SLC17A1: variants seen among roughly 807,000 people sequenced by gnomAD.
SLC17A1 encodes solute carrier family 17 member 1.
SLC17A1 carries 51 observed loss-of-function variants against 53.5 expected under a neutral mutation model. The observed-to-expected ratio is 0.95, with a 90% CI of 0.76 to 1.20. The LOEUF is 1.20. Ranked by LOEUF, SLC17A1 falls within the 50% of genes most tolerant of loss-of-function variation. The pLI, the probability that SLC17A1 is intolerant of heterozygous loss-of-function variation, is 0.00. For missense variants in SLC17A1, 538 were observed against 568.2 expected, an observed-to-expected ratio of 0.95 and a Z score of 0.54; for synonymous variants, 179 against 198.8, an observed-to-expected ratio of 0.90 and a Z score of 0.84.
the SLC17A1 span, among the ~76,000 whole-genome samples, chr6:25,757,563 G>A: frequency 8.6e-5 from 13 of 151,914 alleles, no homozygotes; most frequent in Admixed American, 3.9e-4. Flanking sequence ...CCCCCAACCC[G>A]CTGCTCCAGT....
chr6:25,779,110 G>T (rs774393197), downstream of SLC17A1: 2 of 1,613,790 alleles, frequency 1.2e-6, no homozygotes, highest in South Asian at 2.2e-5. Context: ...TTAACATATC[G>T]GGCCTGGTTT....
the SLC17A1 span, among the ~76,000 whole-genome samples, chr6:25,731,102 C>T: frequency 5.9e-5 from 9 of 152,144 alleles, no homozygotes; most frequent in Admixed American, 3.3e-4. Context: ...AATTCTTAAG[C>T]GGCTAAGCAA....
At chr6:25,789,003 A>T (rs1378031395) in intron 12 of SLC17A1, among the ~76,000 whole-genome samples, 8 of 152,204 alleles carry the variant, frequency 5.3e-5, no homozygotes, top group Admixed American at 3.9e-4. Flanking sequence ...AGGTAGATAG[A>T]TATGTATGTA....
the SLC17A1 span, among the ~76,000 whole-genome samples, chr6:25,727,636 C>T: frequency 6.6e-6 from 1 of 152,096 alleles, no homozygotes; most frequent in African/African-American, 2.4e-5. Context: ...GATCACCCAC[C>T]TCGGTCTCCC....
chr6:25,726,968 C>A, the SLC17A1 span: 4 of 1,613,854 alleles, frequency 2.5e-6, no homozygotes, highest in Non-Finnish European at 3.4e-6. Flanking sequence ...AGAAAGCTGT[C>A]GTTAAGACCC....
the SLC17A1 span, among the ~76,000 whole-genome samples, chr6:25,730,399 G>A: frequency 2.0e-5 from 3 of 152,178 alleles, no homozygotes; most frequent in South Asian, 2.1e-4. Context: ...TGAAATGAGC[G>A]AGGCACAGAA....
the SLC17A1 span, chr6:25,761,854 G>C: frequency 2.4e-6 from 2 of 846,732 alleles, no homozygotes; most frequent in Non-Finnish European, 3.6e-6. Flanking sequence ...TTTGCTCCTA[G>C]TTCTTAGAAA....
rs189485031 is a variant in SLC17A1 at position 25,786,111 on chromosome 6, C to T, written c.*3-2893G>A. 2.3e-3 allele frequency among the ~76,000 whole-genome samples: 348 copies of T among 152,300 alleles called. 1 individual carries two copies. The highest frequency in any genetic ancestry group is 0.01 in the Middle Eastern group (3 of 294). On this transcript the variant is annotated intron_variant, in intron 12 of 12. Coordinates refer to ENST00000244527, the MANE Select transcript of SLC17A1 (RefSeq NM_005074.5). ...GGATTAATGTATAAACAAAATGTAG[C>T]ATAGCCATACAGTCGAATACTACTG...
chr6:25,779,202 T>C (rs1372473837), downstream of SLC17A1: 3 of 1,613,082 alleles, frequency 1.9e-6, no homozygotes, highest in Non-Finnish European at 2.5e-6. Flanking sequence ...AACCGAGAGA[T>C]GTGCTAGATC....
Position 25,810,088 on chromosome 6 carries a change from C to T in SLC17A1, c.1178+1310G>A, listed in dbSNP as rs116274913. Among the ~76,000 whole-genome samples, 697 of 152,096 alleles carry T rather than the reference C, an allele frequency of 4.6e-3. 4 individuals carry two copies. The highest frequency in any genetic ancestry group is 0.016 in the African/African-American group (676 of 41,524). ...TGCAGAAGAATGGAATTACACTCAT[C>T]GCGTGCCTTATATAAAAATCAACTC... On this transcript the variant is annotated intron_variant, in intron 10 of 12. Transcript: ENST00000244527.
the SLC17A1 span, chr6:25,770,594 C>A: frequency 1.2e-6 from 1 of 839,210 alleles, no homozygotes; most frequent in Admixed American, 2.0e-5. Flanking sequence ...CCTTAAAGCA[C>A]TACCCCATAC....
At chr6:25,731,832 A>G in the SLC17A1 span, 2 of 1,602,452 alleles carry the variant, frequency 1.2e-6, no homozygotes, top group Non-Finnish European at 1.7e-6. Context: ...CTCCGACACA[A>G]CGTGCTTGGC....
At chr6:25,754,135 G>C in the SLC17A1 span, among the ~76,000 whole-genome samples, 1 of 151,620 alleles carries the variant, frequency 6.6e-6, no homozygotes, top group East Asian at 1.9e-4. Flanking sequence ...CTTTGCTAAG[G>C]GCTGTCTTGT....
rs34669145 is a variant in SLC17A1 at position 25,802,935 on chromosome 6, C to CT, written c.1179-1956dup. Among the ~76,000 whole-genome samples, 182 of 46,098 alleles carry CT rather than the reference C, an allele frequency of 3.9e-3. 43 individuals carry two copies. The highest frequency in any genetic ancestry group is 5.4e-3 in the Non-Finnish European group (140 of 25,998). The allele number at this position is 46,098 out of a possible 152,430, so 30.2% of individuals were successfully genotyped here. A position where few individuals can be genotyped will look rare whatever the true frequency, so the allele number is the denominator to read the frequency against. On this transcript the variant is annotated intron_variant, in intron 10 of 12. Transcript: ENST00000244527. ...ATGACGTTTTAACGACTATCTTCTT[C>CT]TTTTTTTTTTTTTTTTTTTTTTTTT...
the SLC17A1 span, among the ~76,000 whole-genome samples, chr6:25,729,450 G>A: frequency 6.6e-6 from 1 of 152,150 alleles, no homozygotes; most frequent in South Asian, 2.1e-4. Context: ...GGAAGAGTCA[G>A]TCTATTCCAC....
the SLC17A1 span, among the ~76,000 whole-genome samples, chr6:25,753,581 G>C: frequency 2.0e-5 from 3 of 152,266 alleles, no homozygotes; most frequent in South Asian, 2.1e-4. Context: ...AATGGAAAGA[G>C]ATGAAGGTGG....
intron 11 of SLC17A1, among the ~76,000 whole-genome samples, chr6:25,799,926 T>C (rs143144482): frequency 1.2e-3 from 186 of 152,338 alleles, no homozygotes; most frequent in African/African-American, 4.2e-3. Context: ...TGATGTTTTC[T>C]TCTTTTCTGA....
intron 12 of SLC17A1, chr6:25,798,513 C>T: frequency 3.3e-6 from 1 of 303,062 alleles, no homozygotes; most frequent in Non-Finnish European, 6.0e-6. Flanking sequence ...TCGTTGAAGG[C>T]CCTTCCCAGT....
At chr6:25,809,286 G>A (rs1375734940) in intron 10 of SLC17A1, among the ~76,000 whole-genome samples, 2 of 151,848 alleles carry the variant, frequency 1.3e-5, no homozygotes, top group African/African-American at 4.8e-5. Context: ...TACTTAATAG[G>A]TATGATGTAT....
Sources: allele counts gnomAD v4.1 joint callset (sites outside exome capture counted in the v4.1 genomes callset), GRCh38; gene constraint gnomAD v4.1.1; transcripts MANE v1.5; gene names NCBI Gene and HGNC (gene_info 2026-07-23, HGNC 2026-07-21).